Variants in ANKRD22 observed in about 807,000 individuals in gnomAD.
ANKRD22 encodes ankyrin repeat domain 22.
A neutral mutation model predicts 25.7 loss-of-function variants in ANKRD22; 24 were observed. That is an observed-to-expected ratio of 0.93 (90% confidence interval 0.68 to 1.31). The LOEUF (loss-of-function observed/expected upper bound fraction) is 1.31, where lower values mean the gene tolerates loss of function less well. Ranked by LOEUF, ANKRD22 falls within the 50% of genes most tolerant of loss-of-function variation. The pLI is 0.00. For missense variants in ANKRD22, 214 were observed against 227.1 expected, an observed-to-expected ratio of 0.94 and a Z score of 0.37; for synonymous variants, 84 against 84.3, an observed-to-expected ratio of 1.00 and a Z score of 0.02.
chr10:88,833,991 TA>T (rs1290097692), intron 1 of ANKRD22, among the ~76,000 whole-genome samples: 2 of 152,204 alleles, frequency 1.3e-5, no homozygotes, highest in Non-Finnish European at 2.9e-5. Context: ...CCTCAGTCAT[TA>T]AATGAAGGAG....
At chr10:88,846,655 G>T (rs1032373702) in intron 1 of ANKRD22, among the ~76,000 whole-genome samples, 1 of 152,156 alleles carries the variant, frequency 6.6e-6, no homozygotes, top group Admixed American at 6.6e-5. Context: ...TTTACTCTTT[G>T]AAAATAGTGA....
intron 1 of ANKRD22, 26 bp downstream of exon 1, chr10:88,851,561 A>G (rs985192463): frequency 2.5e-5 from 40 of 1,612,708 alleles, no homozygotes; most frequent in Non-Finnish European, 3.4e-5. Context: ...CATCTTTGGA[A>G]CTCTGCTTTC....
At chr10:88,837,261 T>C (rs1204342200) in intron 1 of ANKRD22, among the ~76,000 whole-genome samples, 2 of 152,222 alleles carry the variant, frequency 1.3e-5, no homozygotes, top group Non-Finnish European at 2.9e-5. Flanking sequence ...ATGCCTTCTT[T>C]ATAAGTTTCA....
At chr10:88,823,434 A>ATATG (rs1480461392) in intron 4 of ANKRD22, 56 bp from the exon 5 acceptor site, 4 of 1,265,546 alleles carry the variant, frequency 3.2e-6, no homozygotes, top group East Asian at 4.6e-5. Context: ...CACAGACCAT[A>ATATG]GCATGTGGCT....
At chr10:88,847,658 C>CT (rs71022546) in intron 1 of ANKRD22, among the ~76,000 whole-genome samples, 8 of 151,538 alleles carry the variant, frequency 5.3e-5, no homozygotes, top group African/African-American at 1.2e-4. Context: ...TAAATGCTTC[C>CT]TTTTTTTTTC....
rs1491462149 is a variant in ANKRD22, at chr10:88,822,543, G to GTTTTTTTTTTTTTTTTTTTTTTTTTT, written c.*397_*398insAAAAAAAAAAAAAAAAAAAAAAAAAA. 1 of 19,724 alleles carries GTTTTTTTTTTTTTTTTTTTTTTTTTT rather than the reference G, an allele frequency of 5.1e-5. No homozygotes were observed. The highest frequency in any genetic ancestry group is 3.5e-4 in the African/African-American group (1 of 2,854). 1.2% of individuals were successfully genotyped at this position (19,724 alleles called of 1,614,324 possible). ...GAAAGACTGAGTTTGGAACACCAGG[G>GTTTTTTTTTTTTTTTTTTTTTTTTTT]CTTTTTTTTTTTTTTTTTTTTTTGA... On this transcript the variant is annotated 3_prime_UTR_variant, in exon 6 of 6. Transcript: ENST00000371930.
intron 1 of ANKRD22, among the ~76,000 whole-genome samples, chr10:88,839,480 C>T (rs1033760440): frequency 6.6e-6 from 1 of 152,094 alleles, no homozygotes; most frequent in African/African-American, 2.4e-5. Flanking sequence ...GCTTGCCATC[C>T]TTATCTTTTA....
rs1309468035 is a variant in ANKRD22 at position 88,822,556 on chromosome 10, T to TTTTTTTTTTTTTTTTTTG, written c.*384_*385insCAAAAAAAAAAAAAAAAA. Reference sequence around the variant, plus strand: ...TGGAACACCAGGGCTTTTTTTTTTTTTTTTTTTTTTGAGACAGGGTCTCGC... The same window carrying TTTTTTTTTTTTTTTTTTG: ...TGGAACACCAGGGCTTTTTTTTTTTTTTTTTTTTTTTTTTTTTGTTTTTTTTTTGAGACAGGGTCTCGC... On this transcript the variant is annotated 3_prime_UTR_variant, in exon 6 of 6. Coordinates refer to ENST00000371930, the MANE Select transcript of ANKRD22 (RefSeq NM_144590.3). 1 of 121,794 alleles carries TTTTTTTTTTTTTTTTTTG rather than the reference T, an allele frequency of 8.2e-6. No individual in the cohort carries two copies. The highest frequency in any genetic ancestry group is 1.7e-5 in the Non-Finnish European group (1 of 58,096). 7.5% of individuals were successfully genotyped at this position (121,794 alleles called of 1,614,324 possible). A position where few individuals can be genotyped will look rare whatever the true frequency, so the allele number is the denominator to read the frequency against.
chr10:88,830,855 T>C (rs1031720677), intron 2 of ANKRD22, among the ~76,000 whole-genome samples: 2 of 152,210 alleles, frequency 1.3e-5, no homozygotes, highest in Non-Finnish European at 2.9e-5. Context: ...ACTCCACATA[T>C]CTGGTTTCAC....
intron 4 of ANKRD22, among the ~76,000 whole-genome samples, chr10:88,825,266 T>G (rs1435856626): frequency 6.6e-6 from 1 of 152,258 alleles, no homozygotes; most frequent in Non-Finnish European, 1.5e-5. Context: ...AATCCAAAAT[T>G]TTATTCAATC....
At position 88,829,075 on chromosome 10, in the gene ANKRD22, C is replaced by T. The variant is rs542209082; in HGVS notation, c.214-409G>A. Among the ~76,000 whole-genome samples, 7 of 152,354 alleles carry T rather than the reference C, an allele frequency of 4.6e-5. No homozygotes were observed. The South Asian group carries it at 1.0e-3, about 23-fold the overall frequency. On this transcript the variant is annotated intron_variant, in intron 2 of 5. Coordinates refer to ENST00000371930, the MANE Select transcript of ANKRD22 (RefSeq NM_144590.3). ...TTTGTGGTTTGTTCATAGGAAAACT[C>T]TTAACCACATGGCTGTTTTTCATGT...
At chr10:88,840,215 C>T (rs575286297) in intron 1 of ANKRD22, among the ~76,000 whole-genome samples, 1 of 152,082 alleles carries the variant, frequency 6.6e-6, no homozygotes, top group Non-Finnish European at 1.5e-5. Flanking sequence ...ATCTTACTTG[C>T]CCAGGCACTA....
chr10:88,825,013 A>T (rs4933488), intron 4 of ANKRD22, among the ~76,000 whole-genome samples: 6,017 of 74,192 alleles, frequency 0.081, 155 homozygotes, highest in Non-Finnish European at 0.16. Context: ...TCTCTCTCTC[A>T]CACACACACA....
At chr10:88,825,322 T>C (rs1337880410) in intron 4 of ANKRD22, among the ~76,000 whole-genome samples, 4 of 152,240 alleles carry the variant, frequency 2.6e-5, no homozygotes, top group African/African-American at 9.7e-5. Flanking sequence ...CTTTCTGTGA[T>C]CATTGAGAAA....
intron 1 of ANKRD22, among the ~76,000 whole-genome samples, chr10:88,841,752 A>C (rs1294147613): frequency 2.6e-5 from 4 of 152,180 alleles, no homozygotes; most frequent in African/African-American, 9.6e-5. Context: ...AAACCAAGTT[A>C]ACTAATCAGA....
intron 1 of ANKRD22, among the ~76,000 whole-genome samples, chr10:88,834,478 T>C (rs901905782): frequency 6.6e-6 from 1 of 152,234 alleles, no homozygotes; most frequent in Non-Finnish European, 1.5e-5. Flanking sequence ...CAGTGAGCAC[T>C]ACTCATCAAG....
chr10:88,848,221 T>C (rs1457641698), intron 1 of ANKRD22, among the ~76,000 whole-genome samples: 1 of 148,878 alleles, frequency 6.7e-6, no homozygotes, highest in Non-Finnish European at 1.5e-5. Context: ...TATACATATA[T>C]ACACCAGGAA....
rs754495553 is a variant in ANKRD22, at chr10:88,820,530, A to C, written c.*2411T>G. The C allele has an allele frequency of 3.9e-6, 6 of 1,538,624 alleles. No individual in the cohort carries two copies. The highest frequency in any genetic ancestry group is 3.9e-5 in the Admixed American group (2 of 50,670). On this transcript the variant is annotated 3_prime_UTR_variant, in exon 6 of 6. Transcript: ENST00000371930. ...ATCTGACACTGACGATCTTAGGACA[A>C]CCTCCTGAGGGATGGGGCTAGGACC...
chr10:88,849,835 C>T (rs1429774335), intron 1 of ANKRD22, among the ~76,000 whole-genome samples: 1 of 152,108 alleles, frequency 6.6e-6, no homozygotes, highest in Non-Finnish European at 1.5e-5. Context: ...GAGCTCTAAG[C>T]TTATCCTCTA....
Sources: allele counts gnomAD v4.1 joint callset (sites outside exome capture counted in the v4.1 genomes callset), GRCh38; gene constraint gnomAD v4.1.1; transcripts MANE v1.5; gene names NCBI Gene and HGNC (gene_info 2026-07-23, HGNC 2026-07-21).